The following MGST2 variants were observed in gnomAD, a reference collection of about 807,000 sequenced individuals.
MGST2 encodes microsomal glutathione S-transferase 2, also known as glutathione peroxidase MGST2.
Under a neutral mutation model 16.6 loss-of-function variants are expected in MGST2, and 9 were observed. The ratio of observed to expected loss-of-function variants is 0.54; its 90% CI spans 0.33 to 0.95. The LOEUF is 0.95. MGST2 is among the 40% of genes least tolerant of loss of function. The pLI, the probability that MGST2 is intolerant of heterozygous loss-of-function variation, is 0.03. For synonymous variants in MGST2, 79 were observed against 68.0 expected, an observed-to-expected ratio of 1.16 and a Z score of -0.79; for missense variants, 159 against 175.1, an observed-to-expected ratio of 0.91 and a Z score of 0.52.
At chr4:139,674,390 A>G (rs1189666071) in intron 1 of MGST2, among the ~76,000 whole-genome samples, 3 of 152,204 alleles carry the variant, frequency 2.0e-5, no homozygotes, top group Admixed American at 6.5e-5. Flanking sequence ...TCAAGTGAGC[A>G]GAGGAATCAC....
At chr4:139,738,338 G>C (rs1307835849) in intron 5 of MGST2, among the ~76,000 whole-genome samples, 1 of 152,228 alleles carries the variant, frequency 6.6e-6, no homozygotes, top group Non-Finnish European at 1.5e-5. Flanking sequence ...GAGGTCAGGA[G>C]ATCAAGACCA....
At position 139,735,327 on chromosome 4, in the gene MGST2, G is replaced by C. The variant is rs372957392; in HGVS notation, c.*49-4885G>C. ...CTGGGGTTATCTGCCCCCCTCCTCCGACTGACACTGAACTGGTTTCTCATT... is the reference window on the plus strand; with the variant it reads ...CTGGGGTTATCTGCCCCCCTCCTCCCACTGACACTGAACTGGTTTCTCATT... On this transcript the variant is annotated intron_variant, in intron 5 of 5. Transcript: ENST00000616265. This position sits in a 1 kb window ranked among gnomAD's most constrained non-coding sequence, Gnocchi z 5.8. Among the ~76,000 whole-genome samples the C allele has an allele frequency of 6.6e-6, 1 of 152,132 alleles. No individual in the cohort carries two copies. Among genetic ancestry groups the C allele is most frequent in the East Asian group, 1.9e-4 (1 of 5,186 alleles).
At chr4:139,728,924 C>G (rs1728588352) in intron 5 of MGST2, among the ~76,000 whole-genome samples, 1 of 152,126 alleles carries the variant, frequency 6.6e-6, no homozygotes, top group Admixed American at 6.5e-5. Context: ...AGCCATCACT[C>G]AAAACATCAG....
At chr4:139,736,926 A>C (rs530813028) in intron 5 of MGST2, among the ~76,000 whole-genome samples, 1 of 152,334 alleles carries the variant, frequency 6.6e-6, no homozygotes, top group East Asian at 1.9e-4. Context: ...CTTTGGAACA[A>C]AATTTTCAAA....
chr4:139,704,319 G>T (rs982827676), downstream of MGST2: 6 of 804,762 alleles, frequency 7.5e-6, no homozygotes, highest in Middle Eastern at 3.4e-4. Flanking sequence ...TTTGCTTGGG[G>T]TAGGTACATC....
At chr4:139,723,155 A>C (rs1375222014) in intron 5 of MGST2, among the ~76,000 whole-genome samples, 1 of 152,260 alleles carries the variant, frequency 6.6e-6, no homozygotes, top group East Asian at 1.9e-4. Context: ...CAAGAATTAC[A>C]TCAGGATCTG....
chr4:139,748,481 G>C, the MGST2 span, among the ~76,000 whole-genome samples: 2 of 152,132 alleles, frequency 1.3e-5, no homozygotes, highest in African/African-American at 2.4e-5. Flanking sequence ...GTACAACAAG[G>C]GGGAGAGAAC....
At position 139,731,922 on chromosome 4, in the gene MGST2, AT is replaced by A. The variant is rs1206499369; in HGVS notation, c.*49-8284del. Among the ~76,000 whole-genome samples the A allele has an allele frequency of 7.2e-5, 11 of 152,128 alleles. No homozygotes were observed. In the East Asian group the frequency reaches 1.5e-3, roughly 21 times the overall value. ...TCAATTTCTAGACACTTCCTTTCCT[AT>A]TTTTTCTACCAAGACTACCTAGCAG... On this transcript the variant is annotated intron_variant, in intron 5 of 5. Coordinates refer to the MGST2 transcript ENST00000616265.
At chr4:139,689,039 G>A (rs527362125) in intron 2 of MGST2, among the ~76,000 whole-genome samples, 8 of 151,386 alleles carry the variant, frequency 5.3e-5, no homozygotes, top group Non-Finnish European at 1.0e-4. Flanking sequence ...CCCAGGAGGC[G>A]GAGGTTGCAG....
chr4:139,737,756 T>G (rs1228060613), intron 5 of MGST2, among the ~76,000 whole-genome samples: 1 of 152,206 alleles, frequency 6.6e-6, no homozygotes, highest in African/African-American at 2.4e-5. Context: ...CAAACTTTCT[T>G]TTTCCAGAAA....
At chr4:139,694,169 G>A (rs978954233) in intron 2 of MGST2, among the ~76,000 whole-genome samples, 8 of 151,408 alleles carry the variant, frequency 5.3e-5, no homozygotes, top group African/African-American at 1.7e-4. Flanking sequence ...GAAGAATTAC[G>A]CTTTGTAATT....
intron 5 of MGST2, among the ~76,000 whole-genome samples, chr4:139,724,358 C>G (rs771578908): frequency 1.7e-4 from 26 of 152,148 alleles, no homozygotes; most frequent in Non-Finnish European, 3.2e-4. Flanking sequence ...CTGATATGCT[C>G]TGGTAATTTC....
chr4:139,713,998 G>T (rs1262977089), intron 5 of MGST2, among the ~76,000 whole-genome samples: 1 of 152,172 alleles, frequency 6.6e-6, no homozygotes, highest in Non-Finnish European at 1.5e-5. Context: ...GCTATGACAT[G>T]AATCCTAAAA....
chr4:139,702,026 C>T (rs888414968), intron 3 of MGST2, among the ~76,000 whole-genome samples: 5 of 151,826 alleles, frequency 3.3e-5, no homozygotes, highest in South Asian at 2.1e-4. Context: ...TCTAGCATAT[C>T]GCAGTCCCAC....
intron 5 of MGST2, among the ~76,000 whole-genome samples, chr4:139,722,959 C>CTGAT (rs1314642087): frequency 2.2e-4 from 34 of 152,292 alleles, no homozygotes; most frequent in Non-Finnish European, 1.6e-4. Flanking sequence ...ACTGGCTTTA[C>CTGAT]TGATAGTATT....
downstream of MGST2, among the ~76,000 whole-genome samples, chr4:139,706,935 A>T (rs1194846364): frequency 6.6e-6 from 1 of 152,218 alleles, no homozygotes; most frequent in African/African-American, 2.4e-5. Context: ...ATATTACTAA[A>T]TTGATCAATT....
rs1215249157 is a variant in MGST2, at chr4:139,686,459, C to G, written c.158+7817C>G. ...TCCATCATGGCCTGAAACAGCCTCT[C>G]AGGTTAAATTTTTAAAAGAGCCCTG... On this transcript the variant is annotated intron_variant, in intron 2 of 4. Coordinates refer to ENST00000265498, the MANE Select transcript of MGST2 (RefSeq NM_002413.5). Among the ~76,000 whole-genome samples, 2 of 152,152 alleles carry G rather than the reference C, an allele frequency of 1.3e-5. 1 individual carries two copies. The highest frequency in any genetic ancestry group is 2.9e-5 in the Non-Finnish European group (2 of 68,036).
chr4:139,731,623 A>T (rs1027696401), intron 5 of MGST2, among the ~76,000 whole-genome samples: 3 of 152,054 alleles, frequency 2.0e-5, no homozygotes, highest in Admixed American at 2.0e-4. Context: ...TCTCAAAAAA[A>T]AAGAATTGAG....
intron 1 of MGST2, among the ~76,000 whole-genome samples, chr4:139,670,273 T>C (rs1730612119): frequency 1.4e-5 from 2 of 139,932 alleles, no homozygotes; most frequent in Admixed American, 7.1e-5. Context: ...GGGGGGCGGT[T>C]AACAGAAATA....
Sources: allele counts gnomAD v4.1 joint callset (sites outside exome capture counted in the v4.1 genomes callset), GRCh38; gene constraint gnomAD v4.1.1; non-coding constraint Gnocchi (gnomAD v3.1); transcripts MANE v1.5; gene names NCBI Gene and HGNC (gene_info 2026-07-23, HGNC 2026-07-21).